Variants in GRIP1 observed in about 807,000 individuals in gnomAD.
The protein encoded by GRIP1 is glutamate receptor interacting protein 1.
In GRIP1, 45 loss-of-function variants were observed where a neutral mutation model predicts 129.9. The ratio of observed to expected loss-of-function variants is 0.35; its 90% CI spans 0.27 to 0.44. GRIP1 has a LOEUF of 0.44. GRIP1 is among the 20% of genes least tolerant of loss of function. The probability of loss-of-function intolerance (pLI) is 1.00; values close to 1 mark genes in which losing one functional copy is unlikely to be tolerated. For synonymous variants in GRIP1, 530 were observed against 520.8 expected (o/e 1.02, Z -0.24); for missense variants, 1,196 against 1,396.8 (o/e 0.86, Z 2.29).
intron 1 of GRIP1, among the ~76,000 whole-genome samples, chr12:66,760,283 G>A (rs569120439): frequency 4.6e-5 from 7 of 152,156 alleles, no homozygotes; most frequent in South Asian, 2.1e-4. Context: ...TTCCAAAGTC[G>A]CTTCCATATT....
intron 24 of GRIP1, among the ~76,000 whole-genome samples, chr12:66,352,713 T>A (rs201425066): frequency 5.4e-5 from 2 of 37,216 alleles, no homozygotes; most frequent in Admixed American, 3.0e-4. Flanking sequence ...AGCCTGAGAC[T>A]CTGTCTCAAA....
intron 1 of GRIP1, among the ~76,000 whole-genome samples, chr12:66,635,787 CAT>C (rs1163714849): frequency 1.3e-5 from 2 of 152,022 alleles, no homozygotes; most frequent in East Asian, 1.9e-4. Flanking sequence ...AAGATATAAA[CAT>C]ATATTTTAAA....
At chr12:66,802,331 C>T (rs2038882212) in intron 1 of GRIP1, among the ~76,000 whole-genome samples, 1 of 152,094 alleles carries the variant, frequency 6.6e-6, no homozygotes, top group Non-Finnish European at 1.5e-5. Context: ...AGTTTCATAT[C>T]TAAAGGAAAT....
intron 1 of GRIP1, among the ~76,000 whole-genome samples, chr12:66,889,179 G>C (rs1307319130): frequency 6.6e-6 from 1 of 152,184 alleles, no homozygotes; most frequent in Non-Finnish European, 1.5e-5. Context: ...ATAATTTCAG[G>C]CCAGGTGCGG....
chr12:66,921,085 C>G (rs113421325), intron 1 of GRIP1, among the ~76,000 whole-genome samples: 1 of 152,106 alleles, frequency 6.6e-6, no homozygotes, highest in East Asian at 1.9e-4. Context: ...GCAGGTGATA[C>G]GTGAACCATT....
intron 17 of GRIP1, among the ~76,000 whole-genome samples, chr12:66,393,783 A>G (rs1269631294): frequency 6.6e-6 from 1 of 152,190 alleles, no homozygotes; most frequent in African/African-American, 2.4e-5. Context: ...TAATCCTTGA[A>G]GATGATGTCT....
At chr12:66,657,304 C>T (rs1565946579) in intron 1 of GRIP1, among the ~76,000 whole-genome samples, 3 of 152,186 alleles carry the variant, frequency 2.0e-5, no homozygotes, top group African/African-American at 4.8e-5. Flanking sequence ...GGTCCCGCCC[C>T]ATTCGCCGCC....
chr12:66,706,814 G>A (rs1204723065), intron 1 of GRIP1, among the ~76,000 whole-genome samples: 2 of 151,860 alleles, frequency 1.3e-5, no homozygotes, highest in Non-Finnish European at 2.9e-5. Flanking sequence ...GGAGTTGAAT[G>A]TTGAGAACAC....
chr12:66,432,188 C>T (rs1379209708), intron 14 of GRIP1, among the ~76,000 whole-genome samples: 1 of 152,016 alleles, frequency 6.6e-6, no homozygotes, highest in East Asian at 1.9e-4. Context: ...TATCTCTCAT[C>T]TAATTATTTA....
In GRIP1 at chr12:66,347,746, A is replaced by AAAG. The variant is rs1325802567; in HGVS notation, c.*1270_*1272dup. 7.8e-6 allele frequency: 1 copy of AAAG among 128,438 alleles called. No individual in the cohort carries two copies. The highest frequency in any genetic ancestry group is 1.6e-5 in the Non-Finnish European group (1 of 60,750). The allele number at this position is 128,438 out of a possible 1,614,324, so 8.0% of individuals were successfully genotyped here. The stretch of plus-strand genomic sequence containing the variant: ...TTGAAATAATATTTTTTTTGCACAA[A>AAAG]AAGAAAGGTGATTTTTTTTTTATAT... On this transcript the variant is annotated 3_prime_UTR_variant, in exon 25 of 25. Coordinates refer to ENST00000359742, the MANE Select transcript of GRIP1 (RefSeq NM_001366722.1).
chr12:66,680,259 A>G (rs1179257174), upstream of GRIP1, among the ~76,000 whole-genome samples: 1 of 152,220 alleles, frequency 6.6e-6, no homozygotes, highest in East Asian at 1.9e-4. Flanking sequence ...AACTTCCAAC[A>G]TTCCAAATTT....
At chr12:66,726,305 G>A (rs968317156) in intron 1 of GRIP1, among the ~76,000 whole-genome samples, 1 of 152,096 alleles carries the variant, frequency 6.6e-6, no homozygotes, top group African/African-American at 2.4e-5. Context: ...AAAGACACAA[G>A]TCACTAGTTT....
intron 1 of GRIP1, among the ~76,000 whole-genome samples, chr12:66,649,451 C>T (rs2032625087): frequency 6.6e-6 from 1 of 152,202 alleles, no homozygotes; most frequent in Non-Finnish European, 1.5e-5. Flanking sequence ...CCCTCTCATT[C>T]AATTCAATTA....
chr12:66,606,558 A>C (rs994474679), intron 1 of GRIP1, among the ~76,000 whole-genome samples: 1 of 152,196 alleles, frequency 6.6e-6, no homozygotes, highest in Non-Finnish European at 1.5e-5. Flanking sequence ...AGATGCCAAC[A>C]TGAGTCTAAA....
intron 1 of GRIP1, among the ~76,000 whole-genome samples, chr12:67,044,415 T>C (rs544736567): frequency 3.9e-5 from 6 of 152,346 alleles, no homozygotes; most frequent in African/African-American, 1.4e-4. Context: ...CTGGGGAAAC[T>C]ACTCAAACAT....
intron 1 of GRIP1, among the ~76,000 whole-genome samples, chr12:66,821,555 T>TA (rs754061389): frequency 7.9e-5 from 12 of 152,012 alleles, no homozygotes; most frequent in South Asian, 2.1e-4. Context: ...GCTGCAAAGA[T>TA]AAAAAAAAGT....
At chr12:66,906,809 C>T (rs1400964155) in intron 1 of GRIP1, among the ~76,000 whole-genome samples, 1 of 152,144 alleles carries the variant, frequency 6.6e-6, no homozygotes, top group East Asian at 1.9e-4. Context: ...ATAGAAAGCT[C>T]CTAGTTGGCT....
At chr12:66,480,225 A>T (rs925493137) in intron 7 of GRIP1, among the ~76,000 whole-genome samples, 1 of 152,328 alleles carries the variant, frequency 6.6e-6, no homozygotes, top group East Asian at 1.9e-4. Flanking sequence ...GCAAAGTCTT[A>T]GGATACAAAA....
intron 5 of GRIP1, among the ~76,000 whole-genome samples, chr12:66,524,860 C>A (rs890334277): frequency 1.3e-5 from 2 of 152,132 alleles, no homozygotes; most frequent in Admixed American, 6.5e-5. Flanking sequence ...CACCACTGAT[C>A]CCAAAGAAAT....
Sources: allele counts gnomAD v4.1 joint callset (sites outside exome capture counted in the v4.1 genomes callset), GRCh38; gene constraint gnomAD v4.1.1; transcripts MANE v1.5; gene names NCBI Gene and HGNC (gene_info 2026-07-23, HGNC 2026-07-21).